FBXL17: variants seen among roughly 807,000 people sequenced by gnomAD.
FBXL17 encodes the protein F-box and leucine rich repeat protein 17.
In FBXL17, 22 loss-of-function variants were observed where a neutral mutation model predicts 66.2. The ratio of observed to expected loss-of-function variants is 0.33; its 90% CI spans 0.24 to 0.47. The LOEUF is 0.47. Among genes scored for constraint, FBXL17 ranks in the 20% least tolerant of loss-of-function variants. The probability of loss-of-function intolerance (pLI) is 1.00; values close to 1 mark genes in which losing one functional copy is unlikely to be tolerated. For missense variants in FBXL17, 878 were observed against 948.2 expected (o/e 0.93, Z 0.97); for synonymous variants, 474 against 400.5 (o/e 1.18, Z -2.19).
rs551307871 is a variant in FBXL17, at chr5:108,250,393, A to G, written c.1507-26165T>C. Among the ~76,000 whole-genome samples the G allele has an allele frequency of 9.2e-5, 14 of 152,254 alleles. No homozygotes were observed. In the South Asian group the frequency reaches 1.7e-3, roughly 18 times the overall value. ...TTTAGCCATTAATGTTCTGACCTTT[A>G]CATCATTTTTTAAACTAACAAGGCA... On this transcript the variant is annotated intron_variant, in intron 4 of 8. Coordinates refer to ENST00000542267, the MANE Select transcript of FBXL17 (RefSeq NM_001163315.3).
intron 7 of FBXL17, among the ~76,000 whole-genome samples, chr5:108,019,864 C>G (rs532975557): frequency 1.3e-5 from 2 of 151,950 alleles, no homozygotes; most frequent in African/African-American, 4.8e-5. Context: ...GGAAAAAACT[C>G]ACAACCCAGA....
At chr5:108,075,174 C>T (rs753958178) in intron 6 of FBXL17, among the ~76,000 whole-genome samples, 2 of 152,168 alleles carry the variant, frequency 1.3e-5, no homozygotes, top group Non-Finnish European at 2.9e-5. Flanking sequence ...TTTATGGACT[C>T]CACCCTGAGC....
chr5:108,201,453 AAAAAT>A (rs1428399698), intron 5 of FBXL17, among the ~76,000 whole-genome samples: 1 of 152,164 alleles, frequency 6.6e-6, no homozygotes, highest in Non-Finnish European at 1.5e-5. Flanking sequence ...TTAATTAATT[AAAAAT>A]AAAATACAGT....
chr5:108,322,670 G>T (rs555943505), intron 4 of FBXL17, among the ~76,000 whole-genome samples: 39 of 151,824 alleles, frequency 2.6e-4, no homozygotes, highest in African/African-American at 9.4e-4. Flanking sequence ...TATTGACTTT[G>T]CCAGATATTA....
At chr5:108,236,476 G>A (rs1337260901) in intron 4 of FBXL17, among the ~76,000 whole-genome samples, 1 of 151,580 alleles carries the variant, frequency 6.6e-6, no homozygotes, top group East Asian at 1.9e-4. Context: ...TCACGCTATT[G>A]CCCTCCAGCC....
chr5:108,294,292 A>T (rs34890757), intron 4 of FBXL17, among the ~76,000 whole-genome samples: 56,986 of 145,732 alleles, frequency 0.39, 11,526 homozygotes, highest in East Asian at 0.64. Context: ...GAAAAAAAAA[A>T]ATATATATAT....
At chr5:108,145,957 G>C (rs1047524295) in intron 6 of FBXL17, among the ~76,000 whole-genome samples, 1 of 151,988 alleles carries the variant, frequency 6.6e-6, no homozygotes, top group Non-Finnish European at 1.5e-5. Flanking sequence ...AGTGGCTCAC[G>C]CCTTTAATCC....
intron 6 of FBXL17, among the ~76,000 whole-genome samples, chr5:108,075,402 C>T (rs991931501): frequency 6.6e-6 from 1 of 152,156 alleles, no homozygotes; most frequent in African/African-American, 2.4e-5. Context: ...TCTAAAATTC[C>T]ATAAGGGCTT....
chr5:108,071,258 C>G (rs866020507), intron 6 of FBXL17, among the ~76,000 whole-genome samples: 3 of 152,188 alleles, frequency 2.0e-5, no homozygotes, highest in Non-Finnish European at 4.4e-5. Context: ...AATGTGAGTA[C>G]TAAGATTTTC....
intron 7 of FBXL17, among the ~76,000 whole-genome samples, chr5:108,019,665 A>T (rs185364168): frequency 8.2e-4 from 122 of 148,976 alleles, no homozygotes; most frequent in Middle Eastern, 3.5e-3. Context: ...ACACACACAC[A>T]CTCTCTCTCT....
In FBXL17 at chr5:108,300,935, C is replaced by T. The variant is rs141760542; in HGVS notation, c.1506+47464G>A. On this transcript the variant is annotated intron_variant, in intron 4 of 8. Transcript: ENST00000542267. ...ATGTCTGTATATATATATTTAAAGT[C>T]TAAAATAGTAGTTTAAAATGCAGTC... is the stretch of plus-strand genomic sequence containing the variant. Among the ~76,000 whole-genome samples the T allele has an allele frequency of 6.8e-3, 1,026 of 151,294 alleles. 17 individuals carry two copies. Among genetic ancestry groups the T allele is most frequent in the African/African-American group, 0.024 (973 of 41,322 alleles).
intron 6 of FBXL17, among the ~76,000 whole-genome samples, chr5:108,035,321 G>C (rs115045628): frequency 0.011 from 1,685 of 152,140 alleles, 37 homozygotes; most frequent in African/African-American, 0.038. Context: ...ATTATAAAAA[G>C]ACATTCAGAA....
rs1748562842 is a variant in FBXL17 at position 108,364,915 on chromosome 5, C to T, written c.1197G>A (p.Met399Ile). The T allele has an allele frequency of 6.2e-7, 1 of 1,612,606 alleles. No homozygotes were observed. Among genetic ancestry groups the T allele is most frequent in the Non-Finnish European group, 8.5e-7 (1 of 1,178,902 alleles). The change falls in exon 3 of 9, where the codon ATG (methionine) becomes ATA (isoleucine). Residue 399 changes from methionine to isoleucine, a missense_variant. Physicochemically the swap from Met to Ile is conservative, Grantham distance 10. Coordinates refer to ENST00000542267, the MANE Select transcript of FBXL17 (RefSeq NM_001163315.3). The part of the protein sequence containing the change: ...IEINISDCRS[M>I]SDNGVCVLAF... ...CTAAAACACATACGCCATTATCAGA[C>T]ATACTGCGACAATCAGAAATGTTGA...
intron 1 of FBXL17, among the ~76,000 whole-genome samples, chr5:108,377,224 A>C (rs913034249): frequency 6.6e-6 from 1 of 152,184 alleles, no homozygotes; most frequent in Non-Finnish European, 1.5e-5. Context: ...AGACAACCTC[A>C]GGTCTCCCCT....
intron 2 of FBXL17, among the ~76,000 whole-genome samples, chr5:108,365,942 C>A (rs564262723): frequency 6.6e-6 from 1 of 152,156 alleles, no homozygotes; most frequent in Admixed American, 6.6e-5. Context: ...CAAAAACTCA[C>A]CACAAATAAA....
At position 108,095,541 on chromosome 5, in the gene FBXL17, T is replaced by C. The variant is rs201603346; in HGVS notation, c.1746-74540A>G. Among the ~76,000 whole-genome samples the C allele has an allele frequency of 1.1e-4, 16 of 152,174 alleles. No individual in the cohort carries two copies. In the East Asian group the frequency reaches 2.9e-3, roughly 27 times the overall value. On this transcript the variant is annotated intron_variant, in intron 6 of 8. Transcript: ENST00000542267. ...CAGTTGAGTAGCTAATTAAATAAAT[T>C]AACAAAATATTTTAGAGCATCTGTT...
chr5:108,170,190 A>T (rs1438985199), intron 6 of FBXL17, among the ~76,000 whole-genome samples: 1 of 152,204 alleles, frequency 6.6e-6, no homozygotes, highest in Non-Finnish European at 1.5e-5. Flanking sequence ...TTTAAATTCA[A>T]GTTAAAAGGA....
intron 6 of FBXL17, among the ~76,000 whole-genome samples, chr5:108,050,120 C>T (rs1032155758): frequency 6.6e-5 from 10 of 152,188 alleles, no homozygotes; most frequent in African/African-American, 1.9e-4. Context: ...GAGACTTAGA[C>T]TCCCACACAA....
intron 7 of FBXL17, among the ~76,000 whole-genome samples, chr5:107,942,089 T>C (rs1457192267): frequency 6.6e-6 from 1 of 152,150 alleles, no homozygotes; most frequent in Non-Finnish European, 1.5e-5. Flanking sequence ...CATGTAGAGC[T>C]TCTACCTCTC....
Sources: allele counts gnomAD v4.1 joint callset (sites outside exome capture counted in the v4.1 genomes callset), GRCh38; gene constraint gnomAD v4.1.1; transcripts MANE v1.5; gene names NCBI Gene and HGNC (gene_info 2026-07-23, HGNC 2026-07-21).